Variants in SLC20A2 observed in about 807,000 individuals in gnomAD.
SLC20A2 encodes the protein solute carrier family 20 member 2.
SLC20A2 carries 30 observed loss-of-function variants against 61.0 expected under a neutral mutation model. The ratio of observed to expected loss-of-function variants is 0.49; its 90% CI spans 0.37 to 0.67. The LOEUF (loss-of-function observed/expected upper bound fraction) is 0.67, where lower values mean the gene tolerates loss of function less well. SLC20A2 is among the 30% of genes least tolerant of loss of function. The pLI is 0.00. For missense variants in SLC20A2, 626 were observed against 866.4 expected (o/e 0.72, Z 3.48); for synonymous variants, 351 against 353.3 (o/e 0.99, Z 0.07).
chr8:42,507,954 G>A (rs986525002), intron 1 of SLC20A2, among the ~76,000 whole-genome samples: 1 of 152,122 alleles, frequency 6.6e-6, no homozygotes, highest in Non-Finnish European at 1.5e-5. Flanking sequence ...GAGGTCAGGA[G>A]TTCGAGACCA....
chr8:42,504,033 G>A (rs1484748241), upstream of SLC20A2, among the ~76,000 whole-genome samples: 1 of 152,152 alleles, frequency 6.6e-6, no homozygotes, highest in Non-Finnish European at 1.5e-5. Flanking sequence ...TTCACCTCCT[G>A]AGCTCAAGCA....
intron 1 of SLC20A2, among the ~76,000 whole-genome samples, chr8:42,488,180 CTTT>C (rs35200743): frequency 1.1e-5 from 1 of 87,028 alleles, no homozygotes; most frequent in Non-Finnish European, 2.1e-5. Context: ...AATAATACTG[CTTT>C]TTTTTTTTTT....
At position 42,454,254 on chromosome 8, in the gene SLC20A2, G is replaced by A. The variant is rs371721865; in HGVS notation, c.613+5642C>T. On this transcript the variant is annotated intron_variant, in intron 5 of 10. Coordinates refer to ENST00000520262, the MANE Select transcript of SLC20A2 (RefSeq NM_001257180.2). ...CCTGACCTCATGATCCGCCCGTCTC[G>A]GCCTCCCGAAGTGCTGAGATTACAG... 4.9e-4 allele frequency among the ~76,000 whole-genome samples: 74 copies of A among 152,206 alleles called. 1 individual carries two copies. The South Asian group carries it at 0.014, about 28-fold the overall frequency.
intron 1 of SLC20A2, among the ~76,000 whole-genome samples, chr8:42,489,689 A>C (rs2131308165): frequency 6.6e-6 from 1 of 152,258 alleles, no homozygotes; most frequent in East Asian, 1.9e-4. Flanking sequence ...TTTATATTTT[A>C]GTCTAACTCG....
At chr8:42,424,321 G>T (rs938794829) in intron 10 of SLC20A2, among the ~76,000 whole-genome samples, 7 of 148,308 alleles carry the variant, frequency 4.7e-5, no homozygotes, top group African/African-American at 1.7e-4. Context: ...GGCTTTTTTT[G>T]GGGGGTGCGG....
chr8:42,455,257 TAGAG>T (rs71548583), intron 5 of SLC20A2, among the ~76,000 whole-genome samples: 2,122 of 81,538 alleles, frequency 0.026, 33 homozygotes, highest in South Asian at 0.064. Context: ...TATATATATA[TAGAG>T]AGAGAGAGAG....
At chr8:42,449,524 C>T (rs931613854) in intron 5 of SLC20A2, among the ~76,000 whole-genome samples, 1 of 152,214 alleles carries the variant, frequency 6.6e-6, no homozygotes, top group Non-Finnish European at 1.5e-5. Flanking sequence ...ACATCTAACA[C>T]TCATGACTAA....
chr8:42,536,112 T>G (rs1267857882), intron 1 of SLC20A2, among the ~76,000 whole-genome samples: 1 of 152,248 alleles, frequency 6.6e-6, no homozygotes, highest in Non-Finnish European at 1.5e-5. Flanking sequence ...TAGACTATTT[T>G]AACTCAAGTT....
intron 7 of SLC20A2, among the ~76,000 whole-genome samples, chr8:42,438,588 G>T (rs1804528467): frequency 1.3e-5 from 2 of 152,216 alleles, no homozygotes; most frequent in African/African-American, 4.8e-5. Flanking sequence ...CCTGTGGTAG[G>T]CAGGTGCCAG....
intron 4 of SLC20A2, among the ~76,000 whole-genome samples, chr8:42,461,000 G>A (rs954296394): frequency 5.3e-5 from 8 of 152,298 alleles, no homozygotes; most frequent in Middle Eastern, 3.4e-3. Flanking sequence ...ATGCAAACAC[G>A]CCTGGAAGTC....
At chr8:42,520,031 T>TA (rs1811550221) in intron 1 of SLC20A2, among the ~76,000 whole-genome samples, 1 of 148,296 alleles carries the variant, frequency 6.7e-6, no homozygotes, top group African/African-American at 2.5e-5. Context: ...TTTTTTTTTT[T>TA]AAGACAGAGC....
intron 1 of SLC20A2, among the ~76,000 whole-genome samples, chr8:42,477,755 G>A (rs947379521): frequency 2.0e-5 from 3 of 151,982 alleles, no homozygotes; most frequent in African/African-American, 7.3e-5. Context: ...ACAGGCATGA[G>A]CCACTGCACC....
At chr8:42,483,373 AAAAC>A (rs569692821) in intron 1 of SLC20A2, among the ~76,000 whole-genome samples, 18 of 152,298 alleles carry the variant, frequency 1.2e-4, no homozygotes, top group African/African-American at 3.1e-4. Context: ...CTCCGTCTTA[AAAAC>A]AAACAAACTA....
intron 1 of SLC20A2, among the ~76,000 whole-genome samples, chr8:42,478,130 C>T (rs1252603218): frequency 7.3e-5 from 11 of 151,690 alleles, no homozygotes; most frequent in Admixed American, 3.3e-4. Context: ...GTGATCAACC[C>T]GCCTCGGCCT....
intron 1 of SLC20A2, among the ~76,000 whole-genome samples, chr8:42,514,434 CT>C (rs1205114228): frequency 6.6e-6 from 1 of 152,116 alleles, no homozygotes; most frequent in Non-Finnish European, 1.5e-5. Flanking sequence ...GGGTTACGGA[CT>C]TGCATGAATG....
intron 1 of SLC20A2, among the ~76,000 whole-genome samples, chr8:42,497,694 C>A: frequency 6.6e-6 from 1 of 151,284 alleles, no homozygotes; most frequent in East Asian, 1.9e-4. Context: ...TCATAGGTAT[C>A]ATTTTCCAAC....
At chr8:42,530,085 A>AT (rs896433374) in intron 1 of SLC20A2, among the ~76,000 whole-genome samples, 9 of 150,662 alleles carry the variant, frequency 6.0e-5, no homozygotes, top group South Asian at 2.1e-4. Flanking sequence ...TGAGTATGTG[A>AT]TTTTTTTTTT....
At chr8:42,526,406 G>A (rs879545378) in intron 1 of SLC20A2, among the ~76,000 whole-genome samples, 1 of 152,034 alleles carries the variant, frequency 6.6e-6, no homozygotes, top group South Asian at 2.1e-4. Flanking sequence ...GGGTGTGGTG[G>A]CTCACGCCTG....
intron 8 of SLC20A2, 61 bp downstream of exon 8, chr8:42,436,928 A>C: frequency 2.6e-5 from 36 of 1,377,726 alleles, no homozygotes; most frequent in Non-Finnish European, 3.3e-5. Flanking sequence ...GCACCCGCAC[A>C]GCGCTGGCCC....
Sources: allele counts gnomAD v4.1 joint callset (sites outside exome capture counted in the v4.1 genomes callset), GRCh38; gene constraint gnomAD v4.1.1; transcripts MANE v1.5; gene names NCBI Gene and HGNC (gene_info 2026-07-23, HGNC 2026-07-21).